The following EGFLAM variants were observed in gnomAD, a reference collection of about 807,000 sequenced individuals.
EGFLAM encodes the protein pikachurin.
In EGFLAM, 79 loss-of-function variants were observed where a neutral mutation model predicts 113.1. The ratio of observed to expected loss-of-function variants is 0.70; its 90% CI spans 0.58 to 0.84. The LOEUF is 0.84. Among genes scored for constraint, EGFLAM ranks in the 40% least tolerant of loss-of-function variants. The probability of loss-of-function intolerance (pLI) is 0.00; values close to 1 mark genes in which losing one functional copy is unlikely to be tolerated. For synonymous variants in EGFLAM, 504 were observed against 487.6 expected (o/e 1.03, Z -0.44); for missense variants, 1,265 against 1,291.6 (o/e 0.98, Z 0.32).
chr5:38,431,733 A>C (rs1742195610), intron 15 of EGFLAM, among the ~76,000 whole-genome samples: 1 of 152,210 alleles, frequency 6.6e-6, no homozygotes, highest in African/African-American at 2.4e-5. Context: ...GTGTGAGCTC[A>C]TACTGGTTAC....
chr5:38,420,228 T>C (rs1229814855), intron 12 of EGFLAM, among the ~76,000 whole-genome samples: 1 of 152,240 alleles, frequency 6.6e-6, no homozygotes, highest in Non-Finnish European at 1.5e-5. Flanking sequence ...TGTTCACTCC[T>C]ATAGGTGATG....
At chr5:38,441,019 C>T (rs1742515678) in intron 17 of EGFLAM, among the ~76,000 whole-genome samples, 1 of 152,180 alleles carries the variant, frequency 6.6e-6, no homozygotes, top group Non-Finnish European at 1.5e-5. Context: ...TGGAGCAGTT[C>T]CAGGCACTTG....
chr5:38,402,370 A>G (rs554608483), intron 6 of EGFLAM, among the ~76,000 whole-genome samples: 23 of 152,348 alleles, frequency 1.5e-4, no homozygotes, highest in African/African-American at 4.6e-4. Context: ...CTCTGTGTCT[A>G]TATCTCCACT....
At chr5:38,372,479 C>T (rs954080879) in intron 6 of EGFLAM, among the ~76,000 whole-genome samples, 5 of 152,250 alleles carry the variant, frequency 3.3e-5, no homozygotes, top group East Asian at 1.9e-4. Flanking sequence ...TCTTTTTTAA[C>T]GGAAACACTG....
chr5:38,296,056 A>T (rs1041129245), intron 1 of EGFLAM, among the ~76,000 whole-genome samples: 1 of 152,112 alleles, frequency 6.6e-6, no homozygotes, highest in African/African-American at 2.4e-5. Flanking sequence ...GCTGGCTAGG[A>T]AATGTTTTAG....
At chr5:38,426,752 G>T (rs1742021876) in intron 13 of EGFLAM, among the ~76,000 whole-genome samples, 1 of 152,158 alleles carries the variant, frequency 6.6e-6, no homozygotes, top group African/African-American at 2.4e-5. Context: ...ACTGATACTT[G>T]CATCCTGCCA....
intron 20 of EGFLAM, among the ~76,000 whole-genome samples, chr5:38,460,556 A>G (rs1447882208): frequency 6.6e-6 from 1 of 152,230 alleles, no homozygotes; most frequent in Non-Finnish European, 1.5e-5. Flanking sequence ...GGCACCATGC[A>G]GATGGCTTAG....
At chr5:38,455,961 C>T (rs1743072440) in intron 19 of EGFLAM, among the ~76,000 whole-genome samples, 1 of 152,200 alleles carries the variant, frequency 6.6e-6, no homozygotes, top group Non-Finnish European at 1.5e-5. Flanking sequence ...TCTGGGTGTT[C>T]CGGACTGCTT....
chr5:38,306,967 G>T (rs947236206), intron 1 of EGFLAM, among the ~76,000 whole-genome samples: 1 of 152,082 alleles, frequency 6.6e-6, no homozygotes, highest in African/African-American at 2.4e-5. Flanking sequence ...AAGAACCAAG[G>T]CCCTGGATCG....
At chr5:38,274,594 T>C (rs1393428551) in intron 1 of EGFLAM, among the ~76,000 whole-genome samples, 1 of 152,126 alleles carries the variant, frequency 6.6e-6, no homozygotes, top group Non-Finnish European at 1.5e-5. Context: ...AAGAATACTG[T>C]ACCCAGAAAA....
At chr5:38,370,592 G>T (rs1368962375) in intron 6 of EGFLAM, 130 bp downstream of exon 6, 1 of 1,226,122 alleles carries the variant, frequency 8.2e-7, no homozygotes, top group Non-Finnish European at 1.1e-6. Context: ...CTTTCCTCCT[G>T]TGGTTTTCCC....
At chr5:38,387,149 A>T (rs770767916) in intron 6 of EGFLAM, among the ~76,000 whole-genome samples, 20 of 152,168 alleles carry the variant, frequency 1.3e-4, no homozygotes, top group Non-Finnish European at 2.6e-4. Flanking sequence ...GAATAGCCAC[A>T]GATATTGTCC....
At chr5:38,340,423 G>A (rs767410913) in intron 3 of EGFLAM, among the ~76,000 whole-genome samples, 2 of 152,304 alleles carry the variant, frequency 1.3e-5, no homozygotes, top group South Asian at 4.1e-4. Context: ...AGGCATTAGA[G>A]TATGCTATCA....
chr5:38,383,599 G>A (rs7705188), intron 6 of EGFLAM, among the ~76,000 whole-genome samples: 34,330 of 152,054 alleles, frequency 0.23, 5,460 homozygotes, highest in African/African-American at 0.45. Flanking sequence ...GGTTTTAGCA[G>A]TAAACAAGAT....
chr5:38,425,266 C>G (rs945266188), intron 13 of EGFLAM, among the ~76,000 whole-genome samples, 174 bp downstream of exon 13: 2 of 152,276 alleles, frequency 1.3e-5, no homozygotes, highest in African/African-American at 4.8e-5. Flanking sequence ...CAACCTCTGC[C>G]TCCCGGGTTC....
chr5:38,461,811 T>C (rs1743283178), intron 20 of EGFLAM, among the ~76,000 whole-genome samples: 1 of 152,182 alleles, frequency 6.6e-6, no homozygotes, highest in Admixed American at 6.5e-5. Flanking sequence ...TTGCCACCAA[T>C]GAACACCTCC....
chr5:38,391,513 C>G (rs1203676394), intron 6 of EGFLAM, among the ~76,000 whole-genome samples: 1 of 151,874 alleles, frequency 6.6e-6, no homozygotes, highest in Admixed American at 6.6e-5. Flanking sequence ...ATTCTCCTGC[C>G]TCAGCCTCCC....
chr5:38,356,828 C>A (rs769177285), intron 5 of EGFLAM, among the ~76,000 whole-genome samples: 7 of 152,212 alleles, frequency 4.6e-5, no homozygotes, highest in Non-Finnish European at 8.8e-5. Flanking sequence ...TTCCTGGGCT[C>A]TAATGCTGAA....
chr5:38,324,165 T>C (rs974148854), intron 1 of EGFLAM, among the ~76,000 whole-genome samples: 2 of 152,046 alleles, frequency 1.3e-5, no homozygotes, highest in Non-Finnish European at 2.9e-5. Context: ...CTCTGGTGGC[T>C]GGAAGAGATT....
Sources: allele counts gnomAD v4.1 joint callset (sites outside exome capture counted in the v4.1 genomes callset), GRCh38; gene constraint gnomAD v4.1.1; transcripts MANE v1.5; gene names NCBI Gene and HGNC (gene_info 2026-07-23, HGNC 2026-07-21).